Variants in LRP1B observed in about 807,000 individuals in gnomAD.
The protein encoded by LRP1B is low-density lipoprotein receptor-related protein 1B.
LRP1B carries 217 observed loss-of-function variants against 556.6 expected under a neutral mutation model. The observed-to-expected ratio is 0.39, with a 90% CI of 0.35 to 0.44. The LOEUF is 0.44. LRP1B is among the 20% of genes least tolerant of loss of function. The pLI is 1.00. For synonymous variants in LRP1B, 2,047 were observed against 1,865.8 expected, an observed-to-expected ratio of 1.10 and a Z score of -2.50; for missense variants, 5,053 against 5,620.8, an observed-to-expected ratio of 0.90 and a Z score of 3.23.
In LRP1B at chr2:140,965,449, G is replaced by A. The variant is rs931431986; in HGVS notation, c.2888-13509C>T. The stretch of plus-strand genomic sequence containing the variant: ...CTAAAAGAAGAAAGTCAAAGTCAGC[G>A]GAAATTCAGCATTATAGATATATTG... On this transcript the variant is annotated intron_variant, in intron 18 of 90. Transcript: ENST00000389484. Among the ~76,000 whole-genome samples, 7 of 152,012 alleles carry A rather than the reference G, an allele frequency of 4.6e-5. No homozygotes were observed. The East Asian group carries it at 7.7e-4, about 17-fold the overall frequency.
intron 1 of LRP1B, among the ~76,000 whole-genome samples, chr2:141,914,939 AG>A (rs1699992582): frequency 6.6e-6 from 1 of 152,216 alleles, no homozygotes; most frequent in African/African-American, 2.4e-5. Context: ...AAGTATCTAT[AG>A]ATTCAATATT....
chr2:141,799,822 G>A (rs1695946289), intron 2 of LRP1B, among the ~76,000 whole-genome samples: 1 of 151,192 alleles, frequency 6.6e-6, no homozygotes, highest in Admixed American at 6.6e-5. Context: ...GTGTGTGTGT[G>A]TGTGTGTGTA....
chr2:140,494,510 C>A (rs560559848), intron 56 of LRP1B, among the ~76,000 whole-genome samples: 1 of 146,030 alleles, frequency 6.8e-6, no homozygotes, highest in Non-Finnish European at 1.5e-5. Flanking sequence ...GAGGCTGAGG[C>A]GGGAGAATGG....
At chr2:140,464,105 A>C (rs867019897) in intron 60 of LRP1B, among the ~76,000 whole-genome samples, 3 of 152,138 alleles carry the variant, frequency 2.0e-5, no homozygotes, top group African/African-American at 7.2e-5. Flanking sequence ...CTGGGGCAGA[A>C]GAATCGCTTG....
Position 141,361,427 on chromosome 2 carries a change from A to C in LRP1B, c.344-106786T>G, listed in dbSNP as rs200623376. On this transcript the variant is annotated intron_variant, in intron 3 of 90. Coordinates refer to ENST00000389484, the MANE Select transcript of LRP1B (RefSeq NM_018557.3). ...TAAATTATATTCATATATTTAAAGG[A>C]GATATGCTGTTATACAAATTCTACT... 5.9e-5 allele frequency among the ~76,000 whole-genome samples: 9 copies of C among 152,238 alleles called. No homozygotes were observed. In the East Asian group the frequency reaches 1.7e-3, roughly 29 times the overall value.
chr2:141,315,951 G>A (rs1687018627), intron 3 of LRP1B, among the ~76,000 whole-genome samples: 1 of 62,570 alleles, frequency 1.6e-5, no homozygotes, highest in South Asian at 5.1e-4. Flanking sequence ...AGGCTTTATG[G>A]CTTTGTATTT....
intron 83 of LRP1B, among the ~76,000 whole-genome samples, chr2:140,311,509 T>C (rs1174617959): frequency 2.6e-5 from 4 of 151,724 alleles, no homozygotes; most frequent in Non-Finnish European, 4.4e-5. Context: ...ATAATAGACA[T>C]TGGAGAAGTG....
chr2:140,287,216 A>T (rs550943436), intron 84 of LRP1B, among the ~76,000 whole-genome samples: 1 of 151,938 alleles, frequency 6.6e-6, no homozygotes, highest in South Asian at 2.1e-4. Flanking sequence ...TTATTTATTT[A>T]TTTAGGTTTA....
intron 1 of LRP1B, among the ~76,000 whole-genome samples, chr2:141,944,178 G>T (rs1700892483): frequency 6.6e-6 from 1 of 152,196 alleles, no homozygotes; most frequent in African/African-American, 2.4e-5. Context: ...GTTCATCCCA[G>T]CTGGGAGGAG....
chr2:141,137,881 A>AT (rs553827147), intron 7 of LRP1B, among the ~76,000 whole-genome samples: 4,222 of 146,122 alleles, frequency 0.029, 112 homozygotes, highest in African/African-American at 0.056. Flanking sequence ...CATGTTATGG[A>AT]TTTTTTTTTT....
chr2:141,973,545 C>T (rs1048640187), intron 1 of LRP1B, among the ~76,000 whole-genome samples: 1 of 151,716 alleles, frequency 6.6e-6, no homozygotes, highest in African/African-American at 2.4e-5. Context: ...CTGTTAATAC[C>T]TTGCAATGTT....
At chr2:140,787,251 C>T (rs1689937754) in intron 32 of LRP1B, among the ~76,000 whole-genome samples, 1 of 152,074 alleles carries the variant, frequency 6.6e-6, no homozygotes, top group Admixed American at 6.5e-5. Flanking sequence ...TTCTGGTTTC[C>T]AAAAGGATAA....
At chr2:141,149,268 A>T (rs1330290723) in intron 7 of LRP1B, among the ~76,000 whole-genome samples, 1 of 151,700 alleles carries the variant, frequency 6.6e-6, no homozygotes, top group African/African-American at 2.4e-5. Flanking sequence ...TATTCATACT[A>T]CTAGTTTTCC....
Position 141,513,750 on chromosome 2 carries a change from A to C in LRP1B, c.206-33217T>G, listed in dbSNP as rs1330172029. Among the ~76,000 whole-genome samples, 3 of 150,134 alleles carry C rather than the reference A, an allele frequency of 2.0e-5. No individual in the cohort carries two copies. In the East Asian group the frequency reaches 5.8e-4, roughly 29 times the overall value. On this transcript the variant is annotated intron_variant, in intron 2 of 90. Transcript: ENST00000389484. ...CTTAAAAATAAAATAAAATAAAATA[A>C]AATAAAATCACACTCCAGATAGGGC...
rs190240384 is a variant in LRP1B at position 141,467,385 on chromosome 2, C to T, written c.343+13011G>A. 7.8e-4 allele frequency among the ~76,000 whole-genome samples: 119 copies of T among 152,046 alleles called. No individual in the cohort carries two copies. In the East Asian group the frequency reaches 8.0e-3, roughly 10 times the overall value. On this transcript the variant is annotated intron_variant, in intron 3 of 90. Coordinates refer to ENST00000389484, the MANE Select transcript of LRP1B (RefSeq NM_018557.3). ...TATAGAATCTGTTAGAAGGAACAGGCTAAAAACTAAGAGGGCTTAGAAAAT... is the reference window on the plus strand; with the variant it reads ...TATAGAATCTGTTAGAAGGAACAGGTTAAAAACTAAGAGGGCTTAGAAAAT...
intron 18 of LRP1B, among the ~76,000 whole-genome samples, chr2:140,974,519 T>C (rs1188180437): frequency 6.6e-6 from 1 of 152,228 alleles, no homozygotes; most frequent in Non-Finnish European, 1.5e-5. Flanking sequence ...TATTATTCTT[T>C]CTAAATGTTC....
intron 7 of LRP1B, among the ~76,000 whole-genome samples, chr2:141,072,516 T>G (rs1294487729): frequency 6.6e-6 from 1 of 152,006 alleles, no homozygotes; most frequent in African/African-American, 2.4e-5. Context: ...AATAGTATGC[T>G]CTTTGTCTTC....
At chr2:141,073,395 C>T (rs1266532808) in intron 7 of LRP1B, among the ~76,000 whole-genome samples, 2 of 151,920 alleles carry the variant, frequency 1.3e-5, no homozygotes, top group African/African-American at 4.8e-5. Context: ...TTCTTCCTAC[C>T]TGGCTTGTTT....
chr2:140,353,969 CATAA>C (rs1682093512), intron 75 of LRP1B, among the ~76,000 whole-genome samples: 1 of 151,936 alleles, frequency 6.6e-6, no homozygotes, highest in Admixed American at 6.6e-5. Context: ...AAATCACTAG[CATAA>C]ATAAATAAAT....
Sources: allele counts gnomAD v4.1 joint callset (sites outside exome capture counted in the v4.1 genomes callset), GRCh38; gene constraint gnomAD v4.1.1; transcripts MANE v1.5; gene names NCBI Gene and HGNC (gene_info 2026-07-23, HGNC 2026-07-21).